Variants in PPP1R1C observed in about 807,000 individuals in gnomAD.
The protein encoded by PPP1R1C is protein phosphatase 1 regulatory subunit 1C.
Under a neutral mutation model 17.4 loss-of-function variants are expected in PPP1R1C, and 15 were observed. The observed-to-expected ratio is 0.86, with a 90% confidence interval of 0.58 to 1.33. The LOEUF is 1.33. Among genes scored for constraint, PPP1R1C ranks in the 40% most tolerant of loss-of-function variants. PPP1R1C has a pLI of 0.00. For synonymous variants in PPP1R1C, 35 were observed against 43.1 expected, an observed-to-expected ratio of 0.81 and a Z score of 0.73; for missense variants, 143 against 130.0, an observed-to-expected ratio of 1.10 and a Z score of -0.48.
At chr2:182,005,764 G>A (rs1267916418) in intron 2 of PPP1R1C, among the ~76,000 whole-genome samples, 1 of 152,142 alleles carries the variant, frequency 6.6e-6, no homozygotes, top group Non-Finnish European at 1.5e-5. Context: ...GCCAGGTAGT[G>A]TGGTATAACA....
chr2:182,115,127 C>A lies in PPP1R1C; in HGVS notation c.242-2080C>A, dbSNP rs1010544988. 5.3e-5 allele frequency among the ~76,000 whole-genome samples: 8 copies of A among 152,194 alleles called. No individual in the cohort carries two copies. In the East Asian group the frequency reaches 1.2e-3, roughly 22 times the overall value. On this transcript the variant is annotated intron_variant, in intron 4 of 4. Transcript: ENST00000682840. ...GTCATTAGAACCTTTGCAAACCTGGCAAGATATAGTCAACCTCAGCTAAGG... is the reference window on the plus strand; with the variant it reads ...GTCATTAGAACCTTTGCAAACCTGGAAAGATATAGTCAACCTCAGCTAAGG...
intron 4 of PPP1R1C, among the ~76,000 whole-genome samples, chr2:182,092,502 T>C (rs1004821975): frequency 2.0e-5 from 3 of 152,146 alleles, no homozygotes; most frequent in Admixed American, 2.0e-4. Flanking sequence ...GTCTCCCAAA[T>C]TCTCAACTCA....
intron 2 of PPP1R1C, among the ~76,000 whole-genome samples, chr2:182,037,585 CAAA>C (rs71008206): frequency 8.0e-6 from 1 of 124,570 alleles, no homozygotes; most frequent in African/African-American, 3.1e-5. Flanking sequence ...GAATCCATCT[CAAA>C]AAAAAAAAAA....
Position 181,975,474 on chromosome 2 carries a change from C to T in PPP1R1C, n.157+210C>T, listed in dbSNP as rs1213104808. Among the ~76,000 whole-genome samples, 6 of 151,660 alleles carry T rather than the reference C, an allele frequency of 4.0e-5. No homozygotes were observed. In the East Asian group the frequency reaches 1.2e-3, roughly 29 times the overall value. Reference sequence around the variant, plus strand: ...ACTGTGTTTATTCTCTCTCTTTTTTCTCTCTCAGACAACACATTCATTTAT... The same window carrying T: ...ACTGTGTTTATTCTCTCTCTTTTTTTTCTCTCAGACAACACATTCATTTAT... On this transcript the variant is annotated intron_variant and non_coding_transcript_variant, in intron 2 of 5. Coordinates refer to the PPP1R1C transcript ENST00000464264.
At chr2:182,013,660 C>T (rs972737460) in intron 2 of PPP1R1C, among the ~76,000 whole-genome samples, 29 of 152,074 alleles carry the variant, frequency 1.9e-4, no homozygotes, top group Non-Finnish European at 3.7e-4. Context: ...AGACCATCAA[C>T]TCTTAGATTT....
At chr2:182,105,701 T>TAGC (rs1187597407) in intron 4 of PPP1R1C, among the ~76,000 whole-genome samples, 1 of 152,196 alleles carries the variant, frequency 6.6e-6, no homozygotes, top group East Asian at 1.9e-4. Context: ...TATAGTCTGA[T>TAGC]AGCAGGTGCT....
chr2:181,962,520 G>A lies in PPP1R1C; in HGVS notation n.111+7886G>A, dbSNP rs1684820143. On this transcript the variant is annotated intron_variant and non_coding_transcript_variant, in intron 1 of 5. Coordinates refer to the PPP1R1C transcript ENST00000464264. The surrounding 1 kb of genome is among the most constrained non-coding windows in gnomAD (Gnocchi z 6.0). ...AGTGAGAGGACAGGACTCAGGCTTT[G>A]CCGACCCGTCATAGCAGTTTTCTAA... The A allele has an allele frequency of 6.3e-6, 4 of 631,398 alleles. No homozygotes were observed. The highest frequency in any genetic ancestry group is 2.2e-5 in the Admixed American group (1 of 45,462). The allele number at this position is 631,398 out of a possible 1,614,324, so 39.1% of individuals were successfully genotyped here. A position where few individuals can be genotyped will look rare whatever the true frequency, so the allele number is the denominator to read the frequency against.
At chr2:182,130,063 T>C (rs1230061584), downstream of PPP1R1C, 1 of 152,156 alleles carries the variant, frequency 6.6e-6, no homozygotes, top group Non-Finnish European at 1.5e-5. Flanking sequence ...ACCTTTATCA[T>C]GTAAAATGAG....
At chr2:181,971,345 G>T (rs531580462) in intron 1 of PPP1R1C, among the ~76,000 whole-genome samples, 1 of 152,160 alleles carries the variant, frequency 6.6e-6, no homozygotes, top group Non-Finnish European at 1.5e-5. Context: ...TTCATCGAGG[G>T]TGTGTCTAGA....
chr2:182,006,226 T>C (rs1685920378), intron 2 of PPP1R1C, among the ~76,000 whole-genome samples: 1 of 152,142 alleles, frequency 6.6e-6, no homozygotes, highest in Non-Finnish European at 1.5e-5. Context: ...TTATCCATGA[T>C]CTTACTAAAT....
At chr2:182,043,062 T>C (rs1160834800) in intron 2 of PPP1R1C, among the ~76,000 whole-genome samples, 1 of 152,188 alleles carries the variant, frequency 6.6e-6, no homozygotes, top group Non-Finnish European at 1.5e-5. Context: ...TTTTAAAAAA[T>C]TGACTATTAA....
chr2:182,051,484 C>A (rs1206402517), intron 2 of PPP1R1C, among the ~76,000 whole-genome samples: 3 of 152,044 alleles, frequency 2.0e-5, no homozygotes, highest in Non-Finnish European at 4.4e-5. Flanking sequence ...ATATTACCAC[C>A]ACATCAGTTA....
intron 2 of PPP1R1C, among the ~76,000 whole-genome samples, chr2:182,057,112 A>T (rs1574416577): frequency 6.6e-6 from 1 of 152,340 alleles, no homozygotes; most frequent in African/African-American, 2.4e-5. Flanking sequence ...TGGTTTTATG[A>T]AACATAGGCA....
intron 2 of PPP1R1C, among the ~76,000 whole-genome samples, chr2:182,030,677 C>T (rs1278588672): frequency 6.7e-6 from 1 of 148,622 alleles, no homozygotes; most frequent in Non-Finnish European, 1.5e-5. Context: ...TTTGTCTGTG[C>T]CCTGCCCCCA....
At chr2:182,125,183 T>A (rs1003206400) in intron 5 of PPP1R1C, among the ~76,000 whole-genome samples, 7 of 152,184 alleles carry the variant, frequency 4.6e-5, no homozygotes, top group African/African-American at 1.7e-4. Flanking sequence ...TTGGTTCTGT[T>A]TATGTGATGG....
intron 2 of PPP1R1C, among the ~76,000 whole-genome samples, chr2:182,060,365 T>G (rs1687814680): frequency 6.6e-6 from 1 of 152,128 alleles, no homozygotes; most frequent in African/African-American, 2.4e-5. Context: ...TATATTTGTG[T>G]GCATATATAT....
At chr2:181,972,886 A>G (rs1379861624) in intron 1 of PPP1R1C, among the ~76,000 whole-genome samples, 1 of 152,232 alleles carries the variant, frequency 6.6e-6, no homozygotes, top group East Asian at 1.9e-4. Context: ...AATAAAGCTT[A>G]GCACATTACA....
At chr2:181,956,065 AC>A (rs1684665364) in intron 1 of PPP1R1C, among the ~76,000 whole-genome samples, 1 of 148,978 alleles carries the variant, frequency 6.7e-6, no homozygotes, top group African/African-American at 2.5e-5. Context: ...ACCCCTGCCC[AC>A]AGGCCTGGCG....
intron 5 of PPP1R1C, among the ~76,000 whole-genome samples, chr2:182,127,160 T>A (rs1689894997): frequency 6.6e-6 from 1 of 152,024 alleles, no homozygotes; most frequent in South Asian, 2.1e-4. Context: ...TTACCAGAAG[T>A]CCAGCTGAAC....
Sources: allele counts gnomAD v4.1 joint callset (sites outside exome capture counted in the v4.1 genomes callset), GRCh38; gene constraint gnomAD v4.1.1; non-coding constraint Gnocchi (gnomAD v3.1); transcripts MANE v1.5; gene names NCBI Gene and HGNC (gene_info 2026-07-23, HGNC 2026-07-21).